TP63: variants seen among roughly 807,000 people sequenced by gnomAD.
The protein encoded by TP63 is tumor protein p63.
In TP63, 17 loss-of-function variants were observed where a neutral mutation model predicts 82.8. The observed-to-expected ratio is 0.21, with a 90% CI of 0.14 to 0.31. TP63 has a LOEUF of 0.31. Among genes scored for constraint, TP63 ranks in the 10% least tolerant of loss-of-function variants. TP63 has a pLI of 1.00. For synonymous variants in TP63, 330 were observed against 321.7 expected, an observed-to-expected ratio of 1.03 and a Z score of -0.28; for missense variants, 648 against 895.3, an observed-to-expected ratio of 0.72 and a Z score of 3.52.
chr3:189,805,590 G>C (rs192462068), intron 3 of TP63, among the ~76,000 whole-genome samples: 2 of 152,358 alleles, frequency 1.3e-5, no homozygotes, highest in East Asian at 3.9e-4. Flanking sequence ...TCAGGACAGT[G>C]GAAGAACAGC....
At chr3:189,647,787 G>C (rs2108630595) in intron 1 of TP63, among the ~76,000 whole-genome samples, 1 of 146,972 alleles carries the variant, frequency 6.8e-6, no homozygotes. Flanking sequence ...CATCGCTATA[G>C]ATGTTTCCAT....
At chr3:189,780,069 A>G (rs1393951764) in intron 3 of TP63, among the ~76,000 whole-genome samples, 1 of 152,192 alleles carries the variant, frequency 6.6e-6, no homozygotes, top group Non-Finnish European at 1.5e-5. Flanking sequence ...AAATTACAAA[A>G]AAAAGCAAGA....
At chr3:189,702,256 C>G (rs113474469) in intron 1 of TP63, among the ~76,000 whole-genome samples, 5,380 of 152,284 alleles carry the variant, frequency 0.035, 138 homozygotes, top group Non-Finnish European at 0.054. Flanking sequence ...CAGACAGAAA[C>G]TGCAGGGAAG....
the TP63 span, among the ~76,000 whole-genome samples, chr3:189,619,301 G>A: frequency 6.6e-6 from 1 of 152,188 alleles, no homozygotes; most frequent in African/African-American, 2.4e-5. Flanking sequence ...TTCAGTGTGA[G>A]GGAAGCACTA....
At chr3:189,836,492 C>T (rs1012038558) in intron 4 of TP63, among the ~76,000 whole-genome samples, 4 of 152,112 alleles carry the variant, frequency 2.6e-5, no homozygotes, top group African/African-American at 7.2e-5. Context: ...GAAATGATTA[C>T]GTAGTGTAAT....
At chr3:189,817,774 T>G (rs895836584) in intron 4 of TP63, among the ~76,000 whole-genome samples, 1 of 151,990 alleles carries the variant, frequency 6.6e-6, no homozygotes, top group Non-Finnish European at 1.5e-5. Flanking sequence ...TCTTAAAAAA[T>G]GTTTAATTGA....
At chr3:189,727,476 A>G (rs1719854139) in intron 1 of TP63, among the ~76,000 whole-genome samples, 1 of 152,210 alleles carries the variant, frequency 6.6e-6, no homozygotes, top group African/African-American at 2.4e-5. Context: ...AGGTTGCAAG[A>G]TCACTGTTAA....
intron 1 of TP63, among the ~76,000 whole-genome samples, chr3:189,664,667 C>T (rs1309439837): frequency 1.3e-5 from 2 of 152,096 alleles, no homozygotes; most frequent in Non-Finnish European, 2.9e-5. Context: ...GTATGTGCCT[C>T]TTATTTCTCC....
chr3:189,635,537 A>G (rs2108608490), intron 1 of TP63, among the ~76,000 whole-genome samples: 1 of 152,126 alleles, frequency 6.6e-6, no homozygotes, highest in East Asian at 1.9e-4. Flanking sequence ...CTCCTGCAGG[A>G]GAGTGAAGTT....
chr3:189,637,107 A>G (rs1186127321), intron 1 of TP63, among the ~76,000 whole-genome samples: 2 of 151,646 alleles, frequency 1.3e-5, no homozygotes, highest in Non-Finnish European at 2.9e-5. Context: ...ACACACACTC[A>G]CAATGGGGCA....
chr3:189,615,494 G>T, the TP63 span, among the ~76,000 whole-genome samples: 2 of 152,046 alleles, frequency 1.3e-5, no homozygotes, highest in Admixed American at 1.3e-4. Context: ...TTGTGTGTTT[G>T]GTCTCTTTTC....
intron 3 of TP63, among the ~76,000 whole-genome samples, chr3:189,788,754 A>G (rs1400258845): frequency 6.6e-6 from 1 of 152,048 alleles, no homozygotes; most frequent in Admixed American, 6.6e-5. Context: ...TATTTATGTA[A>G]ATGTATTTTT....
At chr3:189,700,735 A>G (rs550564024) in intron 1 of TP63, among the ~76,000 whole-genome samples, 3 of 152,338 alleles carry the variant, frequency 2.0e-5, no homozygotes, top group East Asian at 3.9e-4. Context: ...GCTGGTACAT[A>G]GAGAATTGGA....
Position 189,894,744 on chromosome 3 carries a change from T to A in TP63, c.*242T>A. The A allele has an allele frequency of 3.7e-6, 2 of 540,458 alleles. No individual in the cohort carries two copies. Among genetic ancestry groups the A allele is most frequent in the Non-Finnish European group, 6.6e-6 (2 of 303,836 alleles). 33.5% of individuals were successfully genotyped at this position (540,458 alleles called of 1,614,324 possible). ...TGTAGCTGCCATGGCTAGGTAGAAG[T>A]GAGCAAAAAAGAGTTGGGTGTCTCC... On this transcript the variant is annotated 3_prime_UTR_variant, in exon 14 of 14. Coordinates refer to ENST00000264731, the MANE Select transcript of TP63 (RefSeq NM_003722.5).
intron 1 of TP63, among the ~76,000 whole-genome samples, chr3:189,707,142 T>C (rs1325960464): frequency 6.6e-6 from 1 of 152,230 alleles, no homozygotes; most frequent in East Asian, 1.9e-4. Context: ...ATGATAATAC[T>C]ATCTAAAAAA....
intron 4 of TP63, among the ~76,000 whole-genome samples, chr3:189,840,754 A>G (rs765602253): frequency 1.3e-5 from 2 of 149,722 alleles, no homozygotes; most frequent in African/African-American, 4.9e-5. Flanking sequence ...GCTACTCGGG[A>G]GCCTGAGGCA....
chr3:189,673,312 G>A (rs1715094540), intron 1 of TP63, among the ~76,000 whole-genome samples: 1 of 152,118 alleles, frequency 6.6e-6, no homozygotes, highest in African/African-American at 2.4e-5. Context: ...AATGATTGAA[G>A]AAATCTTTCT....
intron 1 of TP63, among the ~76,000 whole-genome samples, chr3:189,734,499 C>T (rs1720429096): frequency 6.6e-6 from 1 of 152,100 alleles, no homozygotes; most frequent in Non-Finnish European, 1.5e-5. Flanking sequence ...TTGTTTGTTC[C>T]CTTCCCCAGT....
chr3:189,637,853 A>G (rs1314413339), intron 1 of TP63, among the ~76,000 whole-genome samples: 3 of 152,154 alleles, frequency 2.0e-5, no homozygotes, highest in African/African-American at 4.8e-5. Context: ...ACTTTAAAGT[A>G]GGTGGAATAA....
Sources: gnomAD v4.1 joint callset for allele counts (sites outside exome capture counted in the v4.1 genomes callset) on GRCh38, gnomAD v4.1.1 for gene constraint, MANE v1.5 for transcripts, NCBI Gene and HGNC (gene_info 2026-07-23, HGNC 2026-07-21) for gene names.